Variants in DNAJC11 observed in about 807,000 individuals in gnomAD.
The protein encoded by DNAJC11 is dnaJ homolog subfamily C member 11.
Under a neutral mutation model 78.6 loss-of-function variants are expected in DNAJC11, and 15 were observed. That is an observed-to-expected ratio of 0.19 (90% confidence interval 0.13 to 0.29). The LOEUF is 0.29. Among genes scored for constraint, DNAJC11 ranks in the 10% least tolerant of loss-of-function variants. The pLI is 1.00. For missense variants in DNAJC11, 547 were observed against 709.6 expected, an observed-to-expected ratio of 0.77 and a Z score of 2.60; for synonymous variants, 292 against 272.1, an observed-to-expected ratio of 1.07 and a Z score of -0.72.
chr1:6,676,309 C>G (rs1042704110), intron 3 of DNAJC11, among the ~76,000 whole-genome samples: 4 of 152,170 alleles, frequency 2.6e-5, no homozygotes, highest in African/African-American at 9.7e-5. Flanking sequence ...CAAGAAAAGA[C>G]AGAAGACTGA....
intron 3 of DNAJC11, among the ~76,000 whole-genome samples, chr1:6,677,158 CA>C (rs1181692411): frequency 1.1e-3 from 55 of 49,472 alleles, no homozygotes; most frequent in South Asian, 2.2e-3. Flanking sequence ...AACTTGGTCT[CA>C]AAAAAAAAAA....
chr1:6,672,765 G>A (rs1240773184), intron 3 of DNAJC11, among the ~76,000 whole-genome samples: 4 of 152,214 alleles, frequency 2.6e-5, no homozygotes, highest in Admixed American at 6.5e-5. Flanking sequence ...CTCCTTATCA[G>A]CAACCCTTAC....
intron 4 of DNAJC11, among the ~76,000 whole-genome samples, chr1:6,659,556 T>C (rs1028488037): frequency 6.6e-6 from 1 of 150,842 alleles, no homozygotes; most frequent in South Asian, 2.1e-4. Context: ...GGTCAGGAGT[T>C]TGAGACCAGC....
At chr1:6,664,352 A>G in intron 4 of DNAJC11, among the ~76,000 whole-genome samples, 1 of 149,786 alleles carries the variant, frequency 6.7e-6, no homozygotes, top group East Asian at 2.0e-4. Flanking sequence ...CCATTCTCCT[A>G]CTTCAGCCTC....
At position 6,653,267 on chromosome 1, in the gene DNAJC11, T is replaced by TCAG. The variant is rs766251471; in HGVS notation, c.508-317_508-316insCTG. 2.6e-5 allele frequency among the ~76,000 whole-genome samples: 4 copies of TCAG among 152,152 alleles called. No homozygotes were observed. Among genetic ancestry groups the TCAG allele is most frequent in the Non-Finnish European group, 5.9e-5 (4 of 68,032 alleles). On this transcript the variant is annotated intron_variant, in intron 5 of 15. Coordinates refer to ENST00000377577, the MANE Select transcript of DNAJC11 (RefSeq NM_018198.4). The surrounding 1 kb of genome is among the most constrained non-coding windows in gnomAD (Gnocchi z 4.5). ...GACTTCACTGTGTGCCTTCCCTCTGTGGTTTGCCATCAGGGTTCCAGGGGG... is the reference window on the plus strand; with the variant it reads ...GACTTCACTGTGTGCCTTCCCTCTGTCAGGGTTTGCCATCAGGGTTCCAGGGGG...
At chr1:6,676,859 C>T (rs902023379) in intron 3 of DNAJC11, among the ~76,000 whole-genome samples, 5 of 152,042 alleles carry the variant, frequency 3.3e-5, no homozygotes, top group East Asian at 1.9e-4. Flanking sequence ...GAGACAGGCA[C>T]GCATGCTTGA....
Position 6,656,100 on chromosome 1 carries a change from TAAAAAAAAAA to T in DNAJC11, c.379-2071_379-2062del, listed in dbSNP as rs749444041. On this transcript the variant is annotated intron_variant, in intron 4 of 15. Transcript: ENST00000377577. ...CTGGGCAACAGAACAAGACTCCGTC[TAAAAAAAAAA>T]AAAAAAAAAAAATTACAATCACTGA... Among the ~76,000 whole-genome samples, 341 of 88,870 alleles carry T rather than the reference TAAAAAAAAAA, an allele frequency of 3.8e-3. 5 individuals carry two copies. The highest frequency in any genetic ancestry group is 0.014 in the African/African-American group (331 of 23,470). 58.3% of individuals were successfully genotyped at this position (88,870 alleles called of 152,430 possible). A position where few individuals can be genotyped will look rare whatever the true frequency, so the allele number is the denominator to read the frequency against.
intron 1 of DNAJC11, among the ~76,000 whole-genome samples, chr1:6,686,462 G>T (rs957989513): frequency 4.6e-5 from 7 of 152,202 alleles, no homozygotes; most frequent in African/African-American, 1.4e-4. Context: ...AGGCCAGCTA[G>T]TACAGTTTGG....
At chr1:6,701,539 C>T (rs998702247) in intron 1 of DNAJC11, among the ~76,000 whole-genome samples, 190 bp downstream of exon 1, 1 of 152,124 alleles carries the variant, frequency 6.6e-6, no homozygotes, top group Non-Finnish European at 1.5e-5. Context: ...GCCCCGGAAC[C>T]CCCGGCGGGA....
chr1:6,670,134 T>C (rs973231235), intron 3 of DNAJC11, among the ~76,000 whole-genome samples: 2 of 151,862 alleles, frequency 1.3e-5, no homozygotes, highest in African/African-American at 4.8e-5. Flanking sequence ...TTTTTTTGTA[T>C]TTTTTAGTAG....
chr1:6,641,258 C>T (rs1445907141), intron 10 of DNAJC11, among the ~76,000 whole-genome samples: 5 of 150,936 alleles, frequency 3.3e-5, no homozygotes, highest in South Asian at 2.1e-4. Flanking sequence ...TGGTGGTGGG[C>T]GCCTGTAATC....
chr1:6,637,113 G>C (rs753954217), intron 14 of DNAJC11, 85 bp downstream of exon 14: 45 of 1,564,892 alleles, frequency 2.9e-5, no homozygotes, highest in Non-Finnish European at 3.4e-5. Context: ...GCCTTCCAAA[G>C]TGCTAGGATT....
intron 4 of DNAJC11, among the ~76,000 whole-genome samples, chr1:6,659,209 T>C (rs1642172047): frequency 6.6e-6 from 1 of 152,224 alleles, no homozygotes; most frequent in Admixed American, 6.5e-5. Flanking sequence ...GGTCCCTATT[T>C]CACATTGGGG....
At chr1:6,647,986 C>T (rs993080365) in intron 7 of DNAJC11, among the ~76,000 whole-genome samples, 2 of 152,158 alleles carry the variant, frequency 1.3e-5, no homozygotes, top group Admixed American at 1.3e-4. Context: ...CAGTCCACCC[C>T]AAACTCTTGG....
At chr1:6,688,859 C>T (rs1642698538) in intron 1 of DNAJC11, among the ~76,000 whole-genome samples, 1 of 152,142 alleles carries the variant, frequency 6.6e-6, no homozygotes, top group Non-Finnish European at 1.5e-5. Flanking sequence ...ATTTGGACAC[C>T]CATCTGTCTG....
intron 3 of DNAJC11, among the ~76,000 whole-genome samples, chr1:6,677,453 C>G (rs1036633456): frequency 6.6e-6 from 1 of 151,974 alleles, no homozygotes; most frequent in Non-Finnish European, 1.5e-5. Flanking sequence ...CCACCAAGCC[C>G]GACTAATTTT....
intron 10 of DNAJC11, among the ~76,000 whole-genome samples, chr1:6,641,351 G>C (rs1641871954): frequency 6.9e-6 from 1 of 145,332 alleles, no homozygotes; most frequent in Admixed American, 7.1e-5. Context: ...ACTCCAGTCT[G>C]GGGTGCAAGA....
In DNAJC11 at chr1:6,653,069, G is replaced by T; in HGVS notation, c.508-118C>A. On this transcript the variant is annotated intron_variant, in intron 5 of 15. Coordinates refer to ENST00000377577, the MANE Select transcript of DNAJC11 (RefSeq NM_018198.4). This position sits in a 1 kb window ranked among gnomAD's most constrained non-coding sequence, Gnocchi z 4.5. ...AAGGTGCAGACGATTCCTCTGTTCA[G>T]AAGCACACATGGATGCAGAACTGCC... 1 of 1,205,198 alleles carries T rather than the reference G, an allele frequency of 8.3e-7. No homozygotes were observed. The allele number at this position is 1,205,198 out of a possible 1,614,324, so 74.7% of individuals were successfully genotyped here.
intron 7 of DNAJC11, among the ~76,000 whole-genome samples, chr1:6,647,080 C>CTTTTTTTTTTTTTTTTT (rs70981396): frequency 1.1e-5 from 1 of 95,024 alleles, no homozygotes. Flanking sequence ...CTGGACAGGT[C>CTTTTTTTTTTTTTTTTT]TTTTTTTTTT....
Sources: gnomAD v4.1 joint callset for allele counts (sites outside exome capture counted in the v4.1 genomes callset) on GRCh38, gnomAD v4.1.1 for gene constraint, Gnocchi (gnomAD v3.1) non-coding constraint, MANE v1.5 for transcripts, NCBI Gene and HGNC (gene_info 2026-07-23, HGNC 2026-07-21) for gene names.